The following CACNA1C variants were observed in gnomAD, a reference collection of about 807,000 sequenced individuals.
CACNA1C encodes voltage-dependent L-type calcium channel subunit alpha-1C.
A neutral mutation model predicts 229.0 loss-of-function variants in CACNA1C; 30 were observed. The ratio of observed to expected loss-of-function variants is 0.13; its 90% CI spans 0.10 to 0.18. The LOEUF (loss-of-function observed/expected upper bound fraction) is 0.18, where lower values mean the gene tolerates loss of function less well. CACNA1C is among the 10% of genes least tolerant of loss of function. The pLI is 1.00. For missense variants in CACNA1C, 1,658 were observed against 2,845.0 expected (o/e 0.58, Z 9.49); for synonymous variants, 1,114 against 1,132.5 (o/e 0.98, Z 0.33).
At chr12:2,076,990 T>C (rs1336356452) in intron 1 of CACNA1C, among the ~76,000 whole-genome samples, 2 of 152,232 alleles carry the variant, frequency 1.3e-5, no homozygotes, top group African/African-American at 4.8e-5. Flanking sequence ...GCGGACGCCA[T>C]GCTGGGCTCA....
chr12:2,341,404 T>C (rs2096858201), intron 3 of CACNA1C, among the ~76,000 whole-genome samples: 2 of 152,192 alleles, frequency 1.3e-5, no homozygotes, highest in African/African-American at 2.4e-5. Context: ...GAGATCCAAT[T>C]TCCTGAGGAT....
chr12:2,183,719 G>C (rs1183074369), intron 3 of CACNA1C, among the ~76,000 whole-genome samples: 2 of 152,258 alleles, frequency 1.3e-5, no homozygotes, highest in African/African-American at 4.8e-5. Context: ...GCCCTGCTCT[G>C]CCCTCGTCTC....
chr12:2,501,573 G>T (rs561828180), intron 7 of CACNA1C, among the ~76,000 whole-genome samples: 1 of 152,238 alleles, frequency 6.6e-6, no homozygotes, highest in Non-Finnish European at 1.5e-5. Flanking sequence ...GGGACCTGCA[G>T]ACCACAGCCC....
intron 7 of CACNA1C, among the ~76,000 whole-genome samples, chr12:2,502,064 T>A (rs573036557): frequency 1.3e-5 from 2 of 152,368 alleles, no homozygotes; most frequent in Admixed American, 6.5e-5. Flanking sequence ...GACACAGGCC[T>A]GCTGAGCCTG....
rs116543410 is a variant in CACNA1C at position 2,261,871 on chromosome 12, G to A, written c.477+141441G>A. Among the ~76,000 whole-genome samples, 1,319 of 152,338 alleles carry A rather than the reference G, an allele frequency of 8.7e-3. 16 individuals carry two copies. The highest frequency in any genetic ancestry group is 0.03 in the African/African-American group (1,267 of 41,572). ...AAGCTGCTGTGCTGGGATGTGTGCAGTACTAATATGGGAATGACAGTGAGT... is the reference window on the plus strand; with the variant it reads ...AAGCTGCTGTGCTGGGATGTGTGCAATACTAATATGGGAATGACAGTGAGT... On this transcript the variant is annotated intron_variant, in intron 3 of 46. Coordinates refer to ENST00000399655, the MANE Select transcript of CACNA1C (RefSeq NM_000719.7).
chr12:2,688,503 A>G lies in CACNA1C; in HGVS notation c.5841A>G (p.Ser1947=), dbSNP rs1056550014. 6.8e-5 allele frequency: 110 copies of G among 1,613,728 alleles called. No homozygotes were observed. The highest frequency in any genetic ancestry group is 9.3e-5 in the Non-Finnish European group (110 of 1,179,868). Residue 1947 remains serine, a synonymous_variant, in exon 46 of 47, where the codon TCA becomes TCG. Coordinates refer to ENST00000399655, the MANE Select transcript of CACNA1C (RefSeq NM_000719.7). The part of the protein sequence containing the change: ...PLLQRSHSPA[S]FPRPFATPPA... ...TCCAGAGAAGCCATTCCCCTGCCTCATTCCCTAGGCCTTTTGCCACCCCAC... is the reference window on the plus strand; with the variant it reads ...TCCAGAGAAGCCATTCCCCTGCCTCGTTCCCTAGGCCTTTTGCCACCCCAC...
At chr12:2,362,390 G>T (rs545340242) in intron 3 of CACNA1C, among the ~76,000 whole-genome samples, 1 of 152,280 alleles carries the variant, frequency 6.6e-6, no homozygotes, top group African/African-American at 2.4e-5. Flanking sequence ...TGGGCCTGTG[G>T]CTCGGGATAC....
intron 1 of CACNA1C, among the ~76,000 whole-genome samples, chr12:2,082,911 C>G (rs1209831712): frequency 6.6e-6 from 1 of 152,212 alleles, no homozygotes; most frequent in Non-Finnish European, 1.5e-5. Context: ...CATACACACA[C>G]TGAATAATTA....
chr12:2,083,608 T>C (rs940752033), intron 1 of CACNA1C, among the ~76,000 whole-genome samples: 1 of 152,250 alleles, frequency 6.6e-6, no homozygotes, highest in Non-Finnish European at 1.5e-5. Flanking sequence ...TGTCTCCACA[T>C]TGTAAAGAGA....
intron 3 of CACNA1C, among the ~76,000 whole-genome samples, chr12:2,422,120 C>G: frequency 6.6e-6 from 1 of 152,150 alleles, no homozygotes; most frequent in East Asian, 1.9e-4. Context: ...GCGGCCCATT[C>G]AGTTTCCAAA....
rs1486413815 is a variant in CACNA1C, at chr12:2,144,330, A to G, written c.477+23900A>G. Among the ~76,000 whole-genome samples, 6 of 151,276 alleles carry G rather than the reference A, an allele frequency of 4.0e-5. No homozygotes were observed. In the Admixed American group the frequency reaches 4.0e-4, roughly 10 times the overall value. ...TGGTAGGAGTGCTGGGATTCCAGGT[A>G]AGGAAAAGAAGAGACACCATTCCAT... On this transcript the variant is annotated intron_variant, in intron 3 of 46. Transcript: ENST00000399655.
chr12:2,518,307 G>A (rs1437405060), intron 9 of CACNA1C, among the ~76,000 whole-genome samples: 3 of 152,106 alleles, frequency 2.0e-5, no homozygotes, highest in Non-Finnish European at 4.4e-5. Flanking sequence ...ATAGTTATTT[G>A]ATCTTTAAAA....
chr12:2,608,799 G>C lies in CACNA1C; in HGVS notation c.3558+87G>C. Reference sequence around the variant, plus strand: ...CCACCCCGCAGAGGGGCTGCGACAGGGAGAGGCCGTGCAGATACTGAGATC... The same window carrying C: ...CCACCCCGCAGAGGGGCTGCGACAGCGAGAGGCCGTGCAGATACTGAGATC... On this transcript the variant is annotated intron_variant, in intron 27 of 46. Transcript: ENST00000399655. The surrounding 1 kb of genome is among the most constrained non-coding windows in gnomAD (Gnocchi z 4.2). The C allele has an allele frequency of 7.5e-7, 1 of 1,339,342 alleles. No homozygotes were observed. Among genetic ancestry groups the C allele is most frequent in the Non-Finnish European group, 1.0e-6 (1 of 954,044 alleles). 83.0% of individuals were successfully genotyped at this position (1,339,342 alleles called of 1,614,324 possible). A position where few individuals can be genotyped will look rare whatever the true frequency, so the allele number is the denominator to read the frequency against.
chr12:2,435,172 C>A (rs1171004903), intron 3 of CACNA1C, among the ~76,000 whole-genome samples: 2 of 152,184 alleles, frequency 1.3e-5, no homozygotes, highest in Non-Finnish European at 2.9e-5. Context: ...GTGGAGGTCA[C>A]CGACCTTGAC....
At chr12:2,356,315 T>C (rs779446191) in intron 3 of CACNA1C, among the ~76,000 whole-genome samples, 4 of 152,200 alleles carry the variant, frequency 2.6e-5, no homozygotes, top group Non-Finnish European at 5.9e-5. Context: ...CCTTCTTGTC[T>C]CAAAAGTGAT....
At chr12:2,617,719 G>T (rs2081323194) in intron 29 of CACNA1C, among the ~76,000 whole-genome samples, 1 of 152,234 alleles carries the variant, frequency 6.6e-6, no homozygotes, top group South Asian at 2.1e-4. Flanking sequence ...TCAAATGGAA[G>T]GGTCATCACC....
At chr12:2,580,088 G>T (rs2059960663) in intron 13 of CACNA1C, among the ~76,000 whole-genome samples, 1 of 152,176 alleles carries the variant, frequency 6.6e-6, no homozygotes, top group African/African-American at 2.4e-5. Context: ...GACAGAGTTG[G>T]GAAGCTGGAG....
At chr12:2,620,224 T>C (rs2082555831) in intron 29 of CACNA1C, among the ~76,000 whole-genome samples, 2 of 148,308 alleles carry the variant, frequency 1.3e-5, no homozygotes, top group South Asian at 4.5e-4. Flanking sequence ...ATTGTCAGTT[T>C]GTAACAAACA....
intron 1 of CACNA1C, among the ~76,000 whole-genome samples, chr12:2,046,421 T>G (rs959204100): frequency 6.6e-6 from 1 of 152,122 alleles, no homozygotes; most frequent in South Asian, 2.1e-4. Context: ...CCTCAGGAGA[T>G]GAGGCCACAC....
Sources: gnomAD v4.1 joint callset for allele counts (sites outside exome capture counted in the v4.1 genomes callset) on GRCh38, gnomAD v4.1.1 for gene constraint, Gnocchi (gnomAD v3.1) non-coding constraint, MANE v1.5 for transcripts, NCBI Gene and HGNC (gene_info 2026-07-23, HGNC 2026-07-21) for gene names.